The following SLC1A3 variants were observed in gnomAD, a reference collection of about 807,000 sequenced individuals.
The protein encoded by SLC1A3 is solute carrier family 1 member 3, also known as excitatory amino acid transporter 1.
SLC1A3 carries 21 observed loss-of-function variants against 48.1 expected under a neutral mutation model. That is an observed-to-expected ratio of 0.44 (90% confidence interval 0.31 to 0.63). The LOEUF is 0.63. Ranked by LOEUF, SLC1A3 falls within the 20% of genes least tolerant of loss-of-function variation. SLC1A3 has a pLI of 0.08. For synonymous variants in SLC1A3, 239 were observed against 251.4 expected (o/e 0.95, Z 0.47); for missense variants, 546 against 689.0 (o/e 0.79, Z 2.32).
chr5:36,598,289 C>T (rs1056730430), intron 1 of SLC1A3, among the ~76,000 whole-genome samples: 1 of 152,172 alleles, frequency 6.6e-6, no homozygotes, highest in Non-Finnish European at 1.5e-5. Flanking sequence ...ATTGTTGTGA[C>T]AAGTAAATGA....
At chr5:36,670,807 GT>G in intron 3 of SLC1A3, 1 of 587,886 alleles carries the variant, frequency 1.7e-6, no homozygotes, top group Non-Finnish European at 3.1e-6. Context: ...CAGAAAATGA[GT>G]GACTGCATGT....
intron 2 of SLC1A3, chr5:36,613,129 G>A (rs7729402): frequency 0.34 from 85,436 of 251,938 alleles, 15,411 homozygotes; most frequent in South Asian, 0.48. Flanking sequence ...TTGAGTTTGT[G>A]GGGCGGGATG....
intron 1 of SLC1A3, among the ~76,000 whole-genome samples, chr5:36,599,527 T>TTTTTG (rs397997372): frequency 6.9e-6 from 1 of 145,516 alleles, no homozygotes; most frequent in African/African-American, 2.6e-5. Flanking sequence ...TTTTTTTTTT[T>TTTTTG]GAGACGGAGT....
At chr5:36,628,961 T>A (rs965332905) in intron 2 of SLC1A3, among the ~76,000 whole-genome samples, 1 of 152,122 alleles carries the variant, frequency 6.6e-6, no homozygotes, top group Non-Finnish European at 1.5e-5. Context: ...GGATTAACAA[T>A]GTGAACATGA....
At chr5:36,674,314 A>G (rs1742115347) in intron 5 of SLC1A3, among the ~76,000 whole-genome samples, 2 of 152,170 alleles carry the variant, frequency 1.3e-5, no homozygotes, top group African/African-American at 4.8e-5. Context: ...CTTGCATACA[A>G]ATATCTCATT....
In SLC1A3 at chr5:36,677,283, A is replaced by G. The variant is rs184870238; in HGVS notation, c.860+99A>G. 440 of 999,686 alleles carry G rather than the reference A, an allele frequency of 4.4e-4. 5 individuals are homozygous for G. The East Asian group carries it at 8.7e-3, about 20-fold the overall frequency. 61.9% of individuals were successfully genotyped at this position (999,686 alleles called of 1,614,324 possible). Reference sequence around the variant, plus strand: ...AAGGTGCCACGAGGCAGGATGGCCAATTGCAGTTATCTCACTCTGGTAAGC... The same window carrying G: ...AAGGTGCCACGAGGCAGGATGGCCAGTTGCAGTTATCTCACTCTGGTAAGC... On this transcript the variant is annotated intron_variant, in intron 6 of 9. Transcript: ENST00000265113.
At chr5:36,657,598 A>C (rs928508217) in intron 3 of SLC1A3, among the ~76,000 whole-genome samples, 2 of 152,226 alleles carry the variant, frequency 1.3e-5, no homozygotes, top group African/African-American at 4.8e-5. Context: ...CCCAAAAAGG[A>C]TGGCTTCCAC....
chr5:36,639,233 C>T (rs564412911), intron 3 of SLC1A3, among the ~76,000 whole-genome samples: 30 of 152,240 alleles, frequency 2.0e-4, no homozygotes, highest in Non-Finnish European at 3.1e-4. Flanking sequence ...TTTATCTACA[C>T]GATGGGGATA....
At position 36,686,410 on chromosome 5, in the gene SLC1A3, C is replaced by T. The variant is rs1449717486; in HGVS notation, c.*141C>T. On this transcript the variant is annotated 3_prime_UTR_variant, in exon 10 of 10. Transcript: ENST00000265113. ...TCTGATAAGACTGGAAAATAGTCCTCCAAAACACAAGGGAGGATTTTGGGT... is the reference window on the plus strand; with the variant it reads ...TCTGATAAGACTGGAAAATAGTCCTTCAAAACACAAGGGAGGATTTTGGGT... The T allele has an allele frequency of 2.7e-6, 2 of 733,092 alleles. No homozygotes were observed. Among genetic ancestry groups the T allele is most frequent in the Admixed American group, 2.2e-5 (1 of 45,344 alleles). The allele number at this position is 733,092 out of a possible 1,614,324, so 45.4% of individuals were successfully genotyped here.
At chr5:36,685,434 G>T (rs144951302) in intron 9 of SLC1A3, among the ~76,000 whole-genome samples, 2 of 152,004 alleles carry the variant, frequency 1.3e-5, no homozygotes, top group African/African-American at 4.8e-5. Context: ...CCGCCACCAC[G>T]CCTGGCTAAT....
At chr5:36,628,742 G>A (rs1740010291) in intron 2 of SLC1A3, among the ~76,000 whole-genome samples, 1 of 152,154 alleles carries the variant, frequency 6.6e-6, no homozygotes, top group Admixed American at 6.5e-5. Flanking sequence ...TTCAGTTGTA[G>A]AGGGAAAATT....
rs1476886342 is a variant in SLC1A3 at position 36,686,236 on chromosome 5, T to C, written c.1596T>C (p.Thr532=). Residue 532 remains threonine (T), a synonymous_variant, in exon 10 of 10, where the codon ACT becomes ACC. Transcript: ENST00000265113. ...PYQLIAQDNE[T]EKPIDSETKM Reference sequence around the variant, plus strand: ...AACTGATTGCACAGGACAATGAAACTGAGAAACCCATCGACAGTGAAACCA... The same window carrying C: ...AACTGATTGCACAGGACAATGAAACCGAGAAACCCATCGACAGTGAAACCA... The C allele has an allele frequency of 1.9e-6, 3 of 1,614,056 alleles. No individual in the cohort carries two copies. Among genetic ancestry groups the C allele is most frequent in the Non-Finnish European group, 2.5e-6 (3 of 1,179,884 alleles).
chr5:36,679,975 G>T, intron 7 of SLC1A3, 115 bp downstream of exon 7: 2 of 753,938 alleles, frequency 2.7e-6, no homozygotes, highest in Non-Finnish European at 4.7e-6. Flanking sequence ...AGAATGATGA[G>T]TTAGCTTTCT....
intron 1 of SLC1A3, among the ~76,000 whole-genome samples, chr5:36,598,064 T>C (rs6896326): frequency 0.067 from 10,160 of 152,224 alleles, 377 homozygotes; most frequent in African/African-American, 0.085. Context: ...TGGGAATCTG[T>C]AGAATTCTGA....
intron 2 of SLC1A3, among the ~76,000 whole-genome samples, chr5:36,619,339 T>G (rs187904308): frequency 1.1e-4 from 16 of 152,308 alleles, no homozygotes; most frequent in Non-Finnish European, 2.1e-4. Flanking sequence ...TTGCTTTCTT[T>G]GTAAAAATAA....
intron 3 of SLC1A3, among the ~76,000 whole-genome samples, chr5:36,658,515 G>A (rs1741374260): frequency 2.0e-5 from 3 of 152,152 alleles, no homozygotes; most frequent in South Asian, 2.1e-4. Context: ...CCTGGTAAAC[G>A]TATCTCAGAC....
chr5:36,610,785 A>G (rs1327555092), intron 2 of SLC1A3, among the ~76,000 whole-genome samples: 7 of 152,180 alleles, frequency 4.6e-5, no homozygotes, highest in Non-Finnish European at 1.0e-4. Context: ...GAATTGCAAT[A>G]AGAGTTGGCT....
At chr5:36,613,791 C>CT (rs1739307034) in intron 2 of SLC1A3, among the ~76,000 whole-genome samples, 2 of 152,026 alleles carry the variant, frequency 1.3e-5, no homozygotes, top group South Asian at 4.1e-4. Flanking sequence ...GAGGAGGAAG[C>CT]TATGGATTTG....
intron 3 of SLC1A3, among the ~76,000 whole-genome samples, chr5:36,670,670 C>T (rs1168630405): frequency 2.0e-5 from 3 of 152,142 alleles, no homozygotes; most frequent in African/African-American, 4.8e-5. Flanking sequence ...CACACAGGCA[C>T]ACTCACACAC....
Sources: allele counts gnomAD v4.1 joint callset (sites outside exome capture counted in the v4.1 genomes callset), GRCh38; gene constraint gnomAD v4.1.1; transcripts MANE v1.5; gene names NCBI Gene and HGNC (gene_info 2026-07-23, HGNC 2026-07-21).